The following MFSD8 variants were observed in gnomAD, a reference collection of about 807,000 sequenced individuals.
MFSD8 encodes the protein major facilitator superfamily domain containing 8, also known as major facilitator superfamily domain-containing protein 8.
MFSD8 carries 55 observed loss-of-function variants against 66.4 expected under a neutral mutation model. The ratio of observed to expected loss-of-function variants is 0.83; its 90% CI spans 0.67 to 1.04. The LOEUF is 1.04. Ranked by LOEUF, MFSD8 falls within the 50% of genes least tolerant of loss-of-function variation. The pLI is 0.00. For missense variants in MFSD8, 550 were observed against 627.6 expected (o/e 0.88, Z 1.32); for synonymous variants, 202 against 212.8 (o/e 0.95, Z 0.44).
intron 9 of MFSD8, among the ~76,000 whole-genome samples, chr4:127,929,692 T>G (rs1007445851): frequency 1.3e-5 from 2 of 152,138 alleles, no homozygotes; most frequent in African/African-American, 4.8e-5. Context: ...CAATAGTTGA[T>G]TAATAGGTAC....
rs1339889094 is a variant in MFSD8, at chr4:127,965,101, C to T, written c.33G>A (p.Glu11=). 4.3e-6 allele frequency: 7 copies of T among 1,613,838 alleles called. No individual in the cohort carries two copies. In the Admixed American group the frequency reaches 5.0e-5, roughly 12 times the overall value. Residue 11 remains glutamate, a synonymous_variant, in exon 1 of 12, where the codon GAG becomes GAA. Coordinates refer to ENST00000641686, the MANE Select transcript of MFSD8 (RefSeq NM_001371596.2). ...TTCCAGGTGTGTCGCCTAAGAGCGG[C>T]TCCTGTTCACTTTCGTTCCGCAGGC... MAGLRNESEQ[E]PLLGDTPGSR...
At chr4:127,924,822 C>G (rs1578810566) in intron 9 of MFSD8, among the ~76,000 whole-genome samples, 1 of 152,120 alleles carries the variant, frequency 6.6e-6, no homozygotes, top group Non-Finnish European at 1.5e-5. Context: ...GAAGACATCA[C>G]AATACCTGAC....
chr4:127,919,366 A>C lies in MFSD8; in HGVS notation c.*1264T>G, dbSNP rs1736107522. The C allele has an allele frequency of 2.0e-5, 3 of 152,202 alleles. No individual in the cohort carries two copies. The South Asian group carries it at 6.2e-4, about 31-fold the overall frequency. The allele number at this position is 152,202 out of a possible 1,614,324, so 9.4% of individuals were successfully genotyped here. The stretch of plus-strand genomic sequence containing the variant: ...ATAAAGTGCAGATTATATAGTGTTT[A>C]TTCTCAGATTTGAAACTATTTCTAA... On this transcript the variant is annotated 3_prime_UTR_variant, in exon 12 of 12. Transcript: ENST00000641686.
chr4:127,927,227 T>C (rs1737359801), intron 9 of MFSD8, among the ~76,000 whole-genome samples: 1 of 151,978 alleles, frequency 6.6e-6, no homozygotes, highest in East Asian at 1.9e-4. Context: ...ACTCTTGTCA[T>C]CCAGGCTGGA....
At chr4:127,932,330 C>T (rs1048199694) in intron 8 of MFSD8, 2 of 152,008 alleles carry the variant, frequency 1.3e-5, no homozygotes, top group East Asian at 3.9e-4. Flanking sequence ...ATCACATAAT[C>T]TATGTAAGTT....
Position 127,933,104 on chromosome 4 carries a change from A to G in MFSD8, c.755-11T>C, listed in dbSNP as rs920800869. ...CTTCATCTGTACTTGCTATAGGGAA[A>G]TAGGAGAAAAATTACATTACCTATA... On this transcript the variant is annotated splice_polypyrimidine_tract_variant and intron_variant, in intron 7 of 11. Coordinates refer to ENST00000641686, the MANE Select transcript of MFSD8 (RefSeq NM_001371596.2). 2 of 1,603,874 alleles carry G rather than the reference A, an allele frequency of 1.2e-6. No individual in the cohort carries two copies. The highest frequency in any genetic ancestry group is 1.3e-5 in the African/African-American group (1 of 74,724).
chr4:127,943,721 G>T, intron 4 of MFSD8, 31 bp downstream of exon 4: 1 of 1,613,642 alleles, frequency 6.2e-7, no homozygotes, highest in South Asian at 1.1e-5. Context: ...ATGTGAATAT[G>T]ACACAACCAA....
At chr4:127,963,153 T>G (rs1744077523) in intron 1 of MFSD8, among the ~76,000 whole-genome samples, 1 of 152,254 alleles carries the variant, frequency 6.6e-6, no homozygotes, top group Non-Finnish European at 1.5e-5. Flanking sequence ...TTTAATGCCT[T>G]AAAATTAGTC....
intron 1 of MFSD8, among the ~76,000 whole-genome samples, chr4:127,962,268 G>A (rs1180847631): frequency 1.3e-5 from 2 of 152,124 alleles, no homozygotes; most frequent in African/African-American, 2.4e-5. Flanking sequence ...AGGAGTTCCA[G>A]ATCAGCCTGG....
At chr4:127,955,280 A>C (rs527761170) in intron 2 of MFSD8, among the ~76,000 whole-genome samples, 2 of 152,108 alleles carry the variant, frequency 1.3e-5, no homozygotes, top group Non-Finnish European at 2.9e-5. Context: ...AGGCCAGGCT[A>C]GGCTGTAATC....
intron 9 of MFSD8, 80 bp downstream of exon 9, chr4:127,930,603 G>T: frequency 6.9e-7 from 1 of 1,459,408 alleles, no homozygotes; most frequent in Non-Finnish European, 9.5e-7. Flanking sequence ...TATTTTCCTG[G>T]TATATCCATT....
intron 3 of MFSD8, among the ~76,000 whole-genome samples, chr4:127,948,846 C>T (rs1225363238): frequency 6.6e-6 from 1 of 152,186 alleles, no homozygotes; most frequent in Non-Finnish European, 1.5e-5. Flanking sequence ...AGGCCCTCAC[C>T]AGATGTGGTC....
chr4:127,937,249 T>C (rs1739238098), intron 7 of MFSD8, among the ~76,000 whole-genome samples: 1 of 152,230 alleles, frequency 6.6e-6, no homozygotes, highest in South Asian at 2.1e-4. Flanking sequence ...TGGGATTTTT[T>C]AGTTGTTCTA....
intron 9 of MFSD8, among the ~76,000 whole-genome samples, chr4:127,926,956 C>T (rs946459402): frequency 2.6e-5 from 4 of 152,200 alleles, no homozygotes; most frequent in African/African-American, 9.7e-5. Context: ...CAGAGAGCCA[C>T]AGCTCCTAAT....
intron 8 of MFSD8, among the ~76,000 whole-genome samples, chr4:127,931,488 G>GC (rs750534458): frequency 1.5e-4 from 23 of 152,214 alleles, no homozygotes; most frequent in Non-Finnish European, 3.1e-4. Context: ...TTCCTGAGTA[G>GC]CTGGGACTAA....
At chr4:127,946,418 G>A (rs1176715703) in intron 3 of MFSD8, among the ~76,000 whole-genome samples, 2 of 152,014 alleles carry the variant, frequency 1.3e-5, no homozygotes, top group Non-Finnish European at 2.9e-5. Flanking sequence ...TAGAGAAGAC[G>A]TTGCTCCAGA....
In MFSD8 at chr4:127,965,112, T is replaced by C. The variant is rs747446547; in HGVS notation, c.22A>G (p.Ser8Gly). The C allele has an allele frequency of 1.2e-6, 2 of 1,613,820 alleles. No individual in the cohort carries two copies. Among genetic ancestry groups the C allele is most frequent in the African/African-American group, 2.7e-5 (2 of 74,946 alleles). ...TCGCCTAAGAGCGGCTCCTGTTCAC[T>C]TTCGTTCCGCAGGCCGGCCATAGTT... MAGLRNE[S>G]EQEPLLGDTP... Residue 8 changes from serine to glycine, a missense_variant, in exon 1 of 12, where the codon AGT becomes GGT. Transcript: ENST00000641686.
Position 127,957,554 on chromosome 4 carries a change from C to G in MFSD8, c.101G>C (p.Ser34Thr). The change falls in exon 2 of 12, where the codon AGC (serine) becomes ACC (threonine). Residue 34 changes from serine (S) to threonine (T), a missense_variant. Ser to Thr is a moderately conservative substitution (Grantham distance 58). Coordinates refer to ENST00000641686, the MANE Select transcript of MFSD8 (RefSeq NM_001371596.2). ...TAAAATCCTAATAGATCTCCATCGG[C>G]TCTTATAATGCTCTTCAGTCTCTAA... is the stretch of plus-strand genomic sequence containing the variant. ...DILETEEHYK[S>T]RWRSIRILYL... 6.2e-7 allele frequency: 1 copy of G among 1,611,976 alleles called. No homozygotes were observed. The highest frequency in any genetic ancestry group is 8.5e-7 in the Non-Finnish European group (1 of 1,178,466).
Position 127,920,271 on chromosome 4 carries a change from T to C in MFSD8, c.*359A>G. 4.2e-6 allele frequency: 1 copy of C among 235,624 alleles called. No individual in the cohort carries two copies. The highest frequency in any genetic ancestry group is 6.0e-5 in the South Asian group (1 of 16,752). 14.6% of individuals were successfully genotyped at this position (235,624 alleles called of 1,614,324 possible). On this transcript the variant is annotated 3_prime_UTR_variant, in exon 12 of 12. Coordinates refer to ENST00000641686, the MANE Select transcript of MFSD8 (RefSeq NM_001371596.2). ...TATGGCTAATTCTTACAGAACCCTC[T>C]TTCTGGTTCCACTGTATATTATTTT...
Sources: gnomAD v4.1 joint callset for allele counts (sites outside exome capture counted in the v4.1 genomes callset) on GRCh38, gnomAD v4.1.1 for gene constraint, MANE v1.5 for transcripts, NCBI Gene and HGNC (gene_info 2026-07-23, HGNC 2026-07-21) for gene names.